SLC1A5: variants seen among roughly 807,000 people sequenced by gnomAD.
SLC1A5 encodes the protein neutral amino acid transporter B(0).
SLC1A5 carries 25 observed loss-of-function variants against 34.9 expected under a neutral mutation model. The ratio of observed to expected loss-of-function variants is 0.72; its 90% CI spans 0.52 to 1.00. The LOEUF (loss-of-function observed/expected upper bound fraction) is 1.00, where lower values mean the gene tolerates loss of function less well. SLC1A5 is among the 50% of genes least tolerant of loss of function. The probability of loss-of-function intolerance (pLI) is 0.00; values close to 1 mark genes in which losing one functional copy is unlikely to be tolerated. For missense variants in SLC1A5, 637 were observed against 740.0 expected, an observed-to-expected ratio of 0.86 and a Z score of 1.61; for synonymous variants, 351 against 341.2, an observed-to-expected ratio of 1.03 and a Z score of -0.32.
chr19:46,780,190 T>C (rs2055134993), intron 4 of SLC1A5, among the ~76,000 whole-genome samples: 1 of 151,646 alleles, frequency 6.6e-6, no homozygotes, highest in African/African-American at 2.4e-5. Flanking sequence ...AAAAATGAGC[T>C]AGGCTTTGTG....
chr19:46,786,217 T>C (rs1163788362), intron 1 of SLC1A5, among the ~76,000 whole-genome samples: 1 of 152,190 alleles, frequency 6.6e-6, no homozygotes, highest in Non-Finnish European at 1.5e-5. Flanking sequence ...AGCGTGTGTA[T>C]GACCGCTGGT....
Position 46,788,555 on chromosome 19 carries a change from A to T in SLC1A5, c.-590T>A, listed in dbSNP as rs947518025. On this transcript the variant is annotated 5_prime_UTR_variant, in exon 1 of 8. Transcript: ENST00000542575. ...GGTCTGGTGTCCGGGAGTAGCGGTT[A>T]CCAGCCAGAGAAAGCCTCCCGGGCG... is the stretch of plus-strand genomic sequence containing the variant. 6.6e-6 allele frequency: 1 copy of T among 152,446 alleles called. No homozygotes were observed. Among genetic ancestry groups the T allele is most frequent in the Non-Finnish European group, 1.5e-5 (1 of 68,306 alleles). 9.4% of individuals were successfully genotyped at this position (152,446 alleles called of 1,614,324 possible). A position where few individuals can be genotyped will look rare whatever the true frequency, so the allele number is the denominator to read the frequency against.
rs545091181 is a variant in SLC1A5, at chr19:46,788,334, G to A, written c.-369C>T. 18 of 215,212 alleles carry A rather than the reference G, an allele frequency of 8.4e-5. No individual in the cohort carries two copies. Among genetic ancestry groups the A allele is most frequent in the African/African-American group, 4.1e-4 (18 of 43,696 alleles). 13.3% of individuals were successfully genotyped at this position (215,212 alleles called of 1,614,324 possible). On this transcript the variant is annotated 5_prime_UTR_variant, in exon 1 of 8. Coordinates refer to ENST00000542575, the MANE Select transcript of SLC1A5 (RefSeq NM_005628.3). Reference sequence around the variant, plus strand: ...GAGTGCCCCCAGATGGCGGAGGTCTGCAGGAGGCTAGGTTCTGGTGGCGCA... The same window carrying A: ...GAGTGCCCCCAGATGGCGGAGGTCTACAGGAGGCTAGGTTCTGGTGGCGCA...
rs1489132785 is a variant in SLC1A5 at position 46,775,409 on chromosome 19, C to T, written c.*101G>A. 2 of 1,518,058 alleles carry T rather than the reference C, an allele frequency of 1.3e-6. No homozygotes were observed. The highest frequency in any genetic ancestry group is 4.4e-5 in the Admixed American group (2 of 44,948). 94.0% of individuals were successfully genotyped at this position (1,518,058 alleles called of 1,614,324 possible). A position where few individuals can be genotyped will look rare whatever the true frequency, so the allele number is the denominator to read the frequency against. The stretch of plus-strand genomic sequence containing the variant: ...GGGGCCCCTGGCTCCCCAGAGTGTG[C>T]AGGCAGACCCCCAGAGCCCTAGCTC... On this transcript the variant is annotated 3_prime_UTR_variant, in exon 8 of 8. Coordinates refer to ENST00000542575, the MANE Select transcript of SLC1A5 (RefSeq NM_005628.3).
chr19:46,782,342 T>TGCCACCCCCCCCCCCCCCCCCCCC, intron 4 of SLC1A5, 41 bp downstream of exon 4: 2 of 523,372 alleles, frequency 3.8e-6, no homozygotes, highest in Non-Finnish European at 7.0e-6. Context: ...AGACCGACCC[T>TGCCACCCCCCCCCCCCCCCCCCCC]CCAACCCCAC....
chr19:46,776,334 G>A (rs2055088939), intron 7 of SLC1A5, among the ~76,000 whole-genome samples: 1 of 151,280 alleles, frequency 6.6e-6, no homozygotes, highest in African/African-American at 2.4e-5. Context: ...CTGAGTAGCT[G>A]AGATCACAGG....
At chr19:46,778,020 C>T (rs143408584) in intron 5 of SLC1A5, among the ~76,000 whole-genome samples, 119 of 152,240 alleles carry the variant, frequency 7.8e-4, no homozygotes, top group African/African-American at 2.7e-3. Context: ...TGCTGACTCT[C>T]ACCAATAATA....
At position 46,775,557 on chromosome 19, in the gene SLC1A5, GC is replaced by G. The variant is rs765281215; in HGVS notation, c.1578del (p.Ala528GlnfsTer34). 1.9e-6 allele frequency: 3 copies of G among 1,614,012 alleles called. No individual in the cohort carries two copies. Among genetic ancestry groups the G allele is most frequent in the South Asian group, 1.1e-5 (1 of 91,070 alleles). On this transcript the variant is annotated frameshift_variant, in exon 8 of 8. Coordinates refer to ENST00000542575, the MANE Select transcript of SLC1A5 (RefSeq NM_005628.3). LOFTEE classifies it high-confidence loss of function. ...EGNPLLKHYRGPAGDATVASE... is the reference protein window; with the variant it reads ...EGNPLLKHYRXPAGDATVASE... ...GAGGCGACCGTGGCATCCCCTGCGG[GC>G]CCCCGATAGTGTTTGAGGAGGGGGT...
In SLC1A5 at chr19:46,787,530, C is replaced by G. The variant is rs778639509; in HGVS notation, c.436G>C (p.Gly146Arg). The G allele has an allele frequency of 6.4e-7, 1 of 1,574,546 alleles. No homozygotes were observed. ...LVTTLLASAL[G>R]VGLALALQPG... ...TGCAGAGCCAGCGCCAAGCCCACTC[C>G]GAGCGCCGACGCCAGCAGCGTGGTG... Residue 146 changes from glycine to arginine, a missense_variant, in exon 1 of 8, where the codon GGA becomes CGA. Gly to Arg is a moderately radical substitution (Grantham distance 125). Coordinates refer to ENST00000542575, the MANE Select transcript of SLC1A5 (RefSeq NM_005628.3). The surrounding 1 kb of genome is among the most constrained non-coding windows in gnomAD (Gnocchi z 5.2).
chr19:46,787,782 C>T lies in SLC1A5; in HGVS notation c.184G>A (p.Val62Met), dbSNP rs1349617076. ...AGTCCCAGCGCCACGCCGGCCACCA[C>T]GGCCACCACTGTCAGCAGCACAAGC... ...NLLVLLTVVA[V>M]VAGVALGLGV... is the part of the protein sequence containing the mutation. The change falls in exon 1 of 8, where the codon GTG (valine) becomes ATG (methionine). Residue 62 changes from valine to methionine, a missense_variant. By Grantham distance (21) the Val-to-Met change is conservative. Coordinates refer to ENST00000542575, the MANE Select transcript of SLC1A5 (RefSeq NM_005628.3). This position sits in a 1 kb window ranked among gnomAD's most constrained non-coding sequence, Gnocchi z 5.2. 20 of 1,550,232 alleles carry T rather than the reference C, an allele frequency of 1.3e-5. No individual in the cohort carries two copies. Among genetic ancestry groups the T allele is most frequent in the Non-Finnish European group, 1.7e-5 (19 of 1,149,718 alleles).
chr19:46,779,153 G>A (rs1191163017), intron 4 of SLC1A5, among the ~76,000 whole-genome samples: 2 of 152,096 alleles, frequency 1.3e-5, no homozygotes, highest in Non-Finnish European at 2.9e-5. Context: ...GGCCGGGCAC[G>A]GTGGCTCATG....
At chr19:46,777,961 C>T (rs2055110262) in intron 5 of SLC1A5, among the ~76,000 whole-genome samples, 1 of 152,006 alleles carries the variant, frequency 6.6e-6, no homozygotes, top group Non-Finnish European at 1.5e-5. Context: ...AGACTACTAC[C>T]TCCCAAAATA....
Position 46,777,243 on chromosome 19 carries a change from C to G in SLC1A5, c.1221G>C (p.Gln407His). The G allele has an allele frequency of 6.2e-7, 1 of 1,609,184 alleles. No individual in the cohort carries two copies. The highest frequency in any genetic ancestry group is 8.5e-7 in the Non-Finnish European group (1 of 1,177,154). ...TGATGATCTTTACGAAGTCCAAGGA[C>G]TGCTGGCTGAGCTGTGCAATGAACA... Reference protein sequence around the residue: ...AAVFIAQLSQQSLDFVKIITI... With the variant: ...AAVFIAQLSQHSLDFVKIITI... The change falls in exon 6 of 8, where the codon CAG (glutamine) becomes CAC (histidine). Residue 407 changes from glutamine (Q) to histidine (H), a missense_variant. Transcript: ENST00000542575.
At chr19:46,781,947 G>C (rs1275521511) in intron 4 of SLC1A5, among the ~76,000 whole-genome samples, 1 of 152,150 alleles carries the variant, frequency 6.6e-6, no homozygotes, top group Non-Finnish European at 1.5e-5. Flanking sequence ...TGTCGCCCAG[G>C]CAGTGGCATG....
In SLC1A5 at chr19:46,787,124, C is replaced by A; in HGVS notation, c.566+276G>T. 1 of 911,800 alleles carries A rather than the reference C, an allele frequency of 1.1e-6. No homozygotes were observed. Among genetic ancestry groups the A allele is most frequent in the Non-Finnish European group, 1.5e-6 (1 of 667,414 alleles). 56.5% of individuals were successfully genotyped at this position (911,800 alleles called of 1,614,324 possible). On this transcript the variant is annotated intron_variant, in intron 1 of 7. Transcript: ENST00000542575. The surrounding 1 kb of genome is among the most constrained non-coding windows in gnomAD (Gnocchi z 5.2). Reference sequence around the variant, plus strand: ...TCCCCTCCCCTCAGTGTCTTTCTCCCCTAGGCAGACCCTCCTATGTCTCCC... The same window carrying A: ...TCCCCTCCCCTCAGTGTCTTTCTCCACTAGGCAGACCCTCCTATGTCTCCC...
chr19:46,777,498 C>CA (rs1345868467), intron 5 of SLC1A5, 93 bp from the exon 6 acceptor site: 5 of 1,241,090 alleles, frequency 4.0e-6, no homozygotes, highest in Non-Finnish European at 5.5e-6. Context: ...TCGCCTACCC[C>CA]ACCCCAACCA....
At chr19:46,785,744 GC>G (rs907461090) in intron 1 of SLC1A5, among the ~76,000 whole-genome samples, 3 of 152,182 alleles carry the variant, frequency 2.0e-5, no homozygotes, top group Admixed American at 2.0e-4. Context: ...TCCATGGATG[GC>G]CACCCATGCA....
Position 46,787,924 on chromosome 19 carries a change from C to A in SLC1A5, c.42G>T (p.Ala14=). Reference sequence around the variant, plus strand: ...GGCCCCCGTTGGCGGTGGGCTCCGCCGCTGCGAGCCCCTTGGAGTCTCGAG... The same window carrying A: ...GGCCCCCGTTGGCGGTGGGCTCCGCAGCTGCGAGCCCCTTGGAGTCTCGAG... ...DPPRDSKGLA[A]AEPTANGGLA... The change falls in exon 1 of 8, where the codon GCG becomes GCT. Residue 14 remains alanine (A), a synonymous_variant. Coordinates refer to ENST00000542575, the MANE Select transcript of SLC1A5 (RefSeq NM_005628.3). This position sits in a 1 kb window ranked among gnomAD's most constrained non-coding sequence, Gnocchi z 5.2. 1 of 1,577,312 alleles carries A rather than the reference C, an allele frequency of 6.3e-7. No homozygotes were observed. The highest frequency in any genetic ancestry group is 8.6e-7 in the Non-Finnish European group (1 of 1,163,594).
At position 46,788,001 on chromosome 19, in the gene SLC1A5, C is replaced by G. The variant is rs2122703952; in HGVS notation, c.-36G>C. On this transcript the variant is annotated 5_prime_UTR_variant, in exon 1 of 8. Transcript: ENST00000542575. ...ACCGGGGTTTCTTAGCGCCTGGAAG[C>G]TGGCTGGGAGCGCTTGGGCTCCTTC... 6.6e-7 allele frequency: 1 copy of G among 1,506,620 alleles called. No homozygotes were observed. Among genetic ancestry groups the G allele is most frequent in the Non-Finnish European group, 8.9e-7 (1 of 1,129,594 alleles). 93.3% of individuals were successfully genotyped at this position (1,506,620 alleles called of 1,614,324 possible). A position where few individuals can be genotyped will look rare whatever the true frequency, so the allele number is the denominator to read the frequency against.
Sources: gnomAD v4.1 joint callset for allele counts (sites outside exome capture counted in the v4.1 genomes callset) on GRCh38, gnomAD v4.1.1 for gene constraint, Gnocchi (gnomAD v3.1) non-coding constraint, MANE v1.5 for transcripts, NCBI Gene and HGNC (gene_info 2026-07-23, HGNC 2026-07-21) for gene names.